KIF14: variants seen among roughly 807,000 people sequenced by gnomAD.
KIF14 encodes the protein kinesin-like protein KIF14.
Under a neutral mutation model 176.2 loss-of-function variants are expected in KIF14, and 98 were observed. That is an observed-to-expected ratio of 0.56 (90% CI 0.47 to 0.66). The LOEUF (loss-of-function observed/expected upper bound fraction) is 0.66. KIF14 is among the 30% of genes least tolerant of loss of function. The pLI, the probability that KIF14 is intolerant of heterozygous loss-of-function variation, is 0.00. For missense variants in KIF14, 1,751 were observed against 1,920.4 expected (o/e 0.91, Z 1.65); for synonymous variants, 566 against 632.2 (o/e 0.90, Z 1.57).
chr1:200,577,598 C>T (rs191362087), intron 21 of KIF14, among the ~76,000 whole-genome samples: 4 of 150,798 alleles, frequency 2.7e-5, no homozygotes, highest in Admixed American at 6.6e-5. Context: ...AGATTGAGAC[C>T]GCTGACGCAG....
In KIF14 at chr1:200,565,182, GC is replaced by G; in HGVS notation, c.3957del (p.Leu1320Ter). 6.2e-7 allele frequency: 1 copy of G among 1,613,856 alleles called. No homozygotes were observed. Among genetic ancestry groups the G allele is most frequent in the Non-Finnish European group, 8.5e-7 (1 of 1,179,770 alleles). Reference sequence around the variant, plus strand: ...AAATCACTCAGCCAGTGTTTCATTAGCACTACTAGCTGCTCAAAAGCACATG... The same window carrying G: ...AAATCACTCAGCCAGTGTTTCATTAGACTACTAGCTGCTCAAAAGCACATG... The part of the protein sequence containing the change: ...QTACAFEQLV[V>X]LMKHWLSDLL... On this transcript the variant is annotated frameshift_variant, in exon 25 of 30. Transcript: ENST00000367350. LOFTEE classifies it high-confidence loss of function.
intron 7 of KIF14, 63 bp downstream of exon 7, chr1:200,605,801 T>A (rs1056377935): frequency 9.6e-7 from 1 of 1,045,668 alleles, no homozygotes; most frequent in African/African-American, 1.7e-5. Context: ...GAAAAAATAT[T>A]CTTATAAATA....
intron 1 of KIF14, among the ~76,000 whole-genome samples, chr1:200,619,603 G>A (rs1434984608): frequency 6.6e-6 from 1 of 152,118 alleles, no homozygotes; most frequent in African/African-American, 2.4e-5. Context: ...CGCCCGCCTC[G>A]GCCTCCCAAA....
intron 25 of KIF14, among the ~76,000 whole-genome samples, chr1:200,562,479 G>A (rs1340970147): frequency 6.6e-6 from 1 of 152,198 alleles, no homozygotes. Context: ...GTTTGCCCAA[G>A]GACGCACAAC....
At chr1:200,590,364 A>AAC in intron 16 of KIF14, 92 bp from the exon 17 acceptor site, 1 of 1,127,238 alleles carries the variant, frequency 8.9e-7, no homozygotes. Flanking sequence ...TTTCCATTGA[A>AAC]TGAAAGTTTC....
intron 5 of KIF14, 29 bp from the exon 6 acceptor site, chr1:200,606,827 G>A: frequency 6.5e-7 from 1 of 1,542,568 alleles, no homozygotes; most frequent in Non-Finnish European, 9.0e-7. Context: ...TGCATCATTA[G>A]GAGTATGACA....
In KIF14 at chr1:200,580,312, G is replaced by A. The variant is rs1478053968; in HGVS notation, c.3407C>T (p.Thr1136Ile). The change falls in exon 21 of 30, where the codon ACA (threonine) becomes ATA (isoleucine). Residue 1136 changes from threonine (T) to isoleucine (I), a missense_variant. Coordinates refer to ENST00000367350, the MANE Select transcript of KIF14 (RefSeq NM_014875.3). ...RVRNLKLGIS[T>I]FWSLEKFESK... The stretch of plus-strand genomic sequence containing the variant: ...TTCAAACTTTTCCAGACTCCAGAAT[G>A]TTGAGATTCCTAGTTTCAGGTTACG... 6.5e-7 allele frequency: 1 copy of A among 1,528,172 alleles called. No individual in the cohort carries two copies. The highest frequency in any genetic ancestry group is 8.8e-7 in the Non-Finnish European group (1 of 1,131,212). The allele number at this position is 1,528,172 out of a possible 1,614,324, so 94.7% of individuals were successfully genotyped here.
At chr1:200,617,562 G>A (rs201341872) in intron 2 of KIF14, 50 bp downstream of exon 2, 81 of 1,523,838 alleles carry the variant, frequency 5.3e-5, no homozygotes, top group Non-Finnish European at 6.7e-5. Flanking sequence ...GGAATTAAAG[G>A]TACCTTACAT....
chr1:200,611,820 T>G (rs964187573), intron 4 of KIF14, among the ~76,000 whole-genome samples: 2 of 152,206 alleles, frequency 1.3e-5, no homozygotes, highest in African/African-American at 4.8e-5. Context: ...CAAAACCTTT[T>G]GTATAGATCA....
intron 13 of KIF14, among the ~76,000 whole-genome samples, 189 bp from the exon 14 acceptor site, chr1:200,598,610 G>A (rs1659481295): frequency 6.6e-6 from 1 of 152,120 alleles, no homozygotes; most frequent in African/African-American, 2.4e-5. Context: ...CCAGGCTGGA[G>A]TGCAGTGGCA....
At chr1:200,605,538 A>T (rs1659839186) in intron 7 of KIF14, 148 bp from the exon 8 acceptor site, 1 of 536,234 alleles carries the variant, frequency 1.9e-6, no homozygotes, top group East Asian at 3.2e-5. Flanking sequence ...ACATATACAC[A>T]TTTGTAATTA....
chr1:200,603,694 T>C (rs1571550073), intron 9 of KIF14, 145 bp downstream of exon 9: 1 of 563,010 alleles, frequency 1.8e-6, no homozygotes, highest in East Asian at 2.8e-5. Flanking sequence ...AAAGTACGTA[T>C]CTCTTTTTCA....
At chr1:200,582,007 C>A (rs2102657125) in intron 19 of KIF14, among the ~76,000 whole-genome samples, 1 of 151,956 alleles carries the variant, frequency 6.6e-6, no homozygotes, top group Middle Eastern at 3.4e-3. Context: ...TGGGCTTAAG[C>A]AATCTACCTG....
chr1:200,618,006 T>C lies in KIF14; in HGVS notation c.718A>G (p.Thr240Ala). The C allele has an allele frequency of 1.2e-6, 2 of 1,614,184 alleles. No homozygotes were observed. The highest frequency in any genetic ancestry group is 1.7e-6 in the Non-Finnish European group (2 of 1,180,028). ...VRSGHLTTKP[T>A]QSKLDIKVLG... is the part of the protein sequence containing the mutation. ...ACTTTGATATCCAACTTGCTCTGAGTAGGTTTCGTTGTCAAGTGTCCTGAT... is the reference window on the plus strand; with the variant it reads ...ACTTTGATATCCAACTTGCTCTGAGCAGGTTTCGTTGTCAAGTGTCCTGAT... Residue 240 changes from threonine (T) to alanine (A), a missense_variant, in exon 2 of 30, where the codon ACT (threonine) becomes GCT (alanine). Coordinates refer to ENST00000367350, the MANE Select transcript of KIF14 (RefSeq NM_014875.3).
At chr1:200,603,553 C>G (rs1048360499) in intron 9 of KIF14, among the ~76,000 whole-genome samples, 16 of 151,938 alleles carry the variant, frequency 1.1e-4, no homozygotes, top group African/African-American at 3.6e-4. Context: ...CTCAAGCAAT[C>G]CTCCCACCTG....
intron 25 of KIF14, among the ~76,000 whole-genome samples, chr1:200,562,438 G>A (rs1657215563): frequency 6.6e-6 from 1 of 152,234 alleles, no homozygotes; most frequent in African/African-American, 2.4e-5. Flanking sequence ...TTATTTTCCT[G>A]TGAGAAACAG....
intron 18 of KIF14, among the ~76,000 whole-genome samples, chr1:200,586,816 T>TATATATATATATATATATATATAC (rs1335109060): frequency 2.2e-5 from 3 of 138,268 alleles, no homozygotes; most frequent in South Asian, 2.3e-4. Flanking sequence ...TATATATATA[T>TATATATATATATATATATATATAC]ACACCATGAA....
At position 200,603,850 on chromosome 1, in the gene KIF14, C is replaced by T; in HGVS notation, c.1852G>A (p.Asp618Asn). The change falls in exon 9 of 30, where the codon GAT becomes AAT. Residue 618 changes from aspartate (D) to asparagine (N), a missense_variant. By Grantham distance (23) the Asp-to-Asn change is conservative. Coordinates refer to ENST00000367350, the MANE Select transcript of KIF14 (RefSeq NM_014875.3). ...ERCSTAHTNGDRLKEGVSINK... is the reference protein window; with the variant it reads ...ERCSTAHTNGNRLKEGVSINK... ...AGCATTCCATTTACCTTTAGTCGAT[C>T]TCCATTAGTGTGAGCCGTAGAGCAG... 1 of 1,591,992 alleles carries T rather than the reference C, an allele frequency of 6.3e-7. No individual in the cohort carries two copies. Among genetic ancestry groups the T allele is most frequent in the Non-Finnish European group, 8.6e-7 (1 of 1,160,476 alleles).
In KIF14 at chr1:200,562,938, C is replaced by A. The variant is rs570008046; in HGVS notation, c.4072-2058G>T. On this transcript the variant is annotated intron_variant, in intron 25 of 29. Transcript: ENST00000367350. ...GAAAAAAGACACCCACTGTCCTCTA[C>A]CTTCTTAGAGCTAACTGTCCATTGA... Among the ~76,000 whole-genome samples the A allele has an allele frequency of 8.5e-5, 13 of 152,164 alleles. No homozygotes were observed. In the South Asian group the frequency reaches 2.7e-3, roughly 32 times the overall value.
Sources: gnomAD v4.1 joint callset for allele counts (sites outside exome capture counted in the v4.1 genomes callset) on GRCh38, gnomAD v4.1.1 for gene constraint, MANE v1.5 for transcripts, NCBI Gene and HGNC (gene_info 2026-07-23, HGNC 2026-07-21) for gene names.